The following ERAP1 variants were observed in gnomAD, a reference collection of about 807,000 sequenced individuals.
ERAP1 encodes the protein adipocyte-derived leucine aminopeptidase.
Under a neutral mutation model 103.7 loss-of-function variants are expected in ERAP1, and 86 were observed. The ratio of observed to expected loss-of-function variants is 0.83; its 90% CI spans 0.70 to 0.99. The LOEUF (loss-of-function observed/expected upper bound fraction) is 0.99, where lower values mean the gene tolerates loss of function less well. Ranked by LOEUF, ERAP1 falls within the 50% of genes least tolerant of loss-of-function variation. The pLI is 0.00. For synonymous variants in ERAP1, 398 were observed against 402.4 expected (o/e 0.99, Z 0.13); for missense variants, 1,009 against 1,128.4 (o/e 0.89, Z 1.52).
At chr5:96,877,147 G>C in the ERAP1 span, among the ~76,000 whole-genome samples, 1 of 152,034 alleles carries the variant, frequency 6.6e-6, no homozygotes, top group Admixed American at 6.5e-5. Context: ...GCTAATTTTT[G>C]TATTTTTAGT....
chr5:96,810,199 T>A (rs565669742), upstream of ERAP1, among the ~76,000 whole-genome samples: 12 of 152,340 alleles, frequency 7.9e-5, no homozygotes, highest in African/African-American at 2.9e-4. Context: ...TTTGGCAGCA[T>A]TCACTTCTAG....
chr5:96,907,626 A>T, the ERAP1 span, among the ~76,000 whole-genome samples: 1 of 151,540 alleles, frequency 6.6e-6, no homozygotes, highest in Non-Finnish European at 1.5e-5. Context: ...TCATGCCTGT[A>T]ATCCCAGCAT....
rs1774307641 is a variant in ERAP1, at chr5:96,776,392, A to AT, written c.*3dup. On this transcript the variant is annotated 3_prime_UTR_variant, in exon 19 of 19. Transcript: ENST00000443439. ...ATAACAGGAACCTGGCAAGGGAGGAATTTTTACATACGTTCAAGCTTTTCA... is the reference window on the plus strand; with the variant it reads ...ATAACAGGAACCTGGCAAGGGAGGAATTTTTTACATACGTTCAAGCTTTTCA... 3.7e-6 allele frequency: 6 copies of AT among 1,603,358 alleles called. No individual in the cohort carries two copies. The Middle Eastern group carries it at 8.3e-4, about 222-fold the overall frequency.
chr5:96,903,646 G>GAA, the ERAP1 span: 5 of 1,247,346 alleles, frequency 4.0e-6, no homozygotes, highest in Non-Finnish European at 5.5e-6. Flanking sequence ...GTTCAACATT[G>GAA]GTCATTGATT....
chr5:96,791,858 A>T (rs1776764733), intron 8 of ERAP1, among the ~76,000 whole-genome samples: 1 of 152,228 alleles, frequency 6.6e-6, no homozygotes, highest in Non-Finnish European at 1.5e-5. Context: ...GAAAGAATAT[A>T]TGAAGAATTT....
chr5:96,902,706 G>T, the ERAP1 span: 1 of 178,014 alleles, frequency 5.6e-6, no homozygotes, highest in South Asian at 1.3e-4. Context: ...GATTGCTTCT[G>T]GATTCAAGTC....
At chr5:96,821,282 G>C in the ERAP1 span, among the ~76,000 whole-genome samples, 182 of 152,350 alleles carry the variant, frequency 1.2e-3, 1 homozygote, top group East Asian at 8.7e-3. Context: ...GCAGCATATA[G>C]ACTAACATTT....
At chr5:96,837,715 G>A in the ERAP1 span, among the ~76,000 whole-genome samples, 11 of 152,246 alleles carry the variant, frequency 7.2e-5, no homozygotes, top group Admixed American at 7.2e-4. Context: ...TGGAGGGTCA[G>A]TGTGACAGCC....
upstream of ERAP1, chr5:96,808,118 C>T (rs1278232388): frequency 1.0e-6 from 1 of 982,650 alleles, no homozygotes; most frequent in Non-Finnish European, 1.2e-6. Context: ...CGCTGCACGC[C>T]GGGGAAGCTG....
the ERAP1 span, among the ~76,000 whole-genome samples, chr5:96,897,776 T>G: frequency 9.2e-5 from 14 of 152,334 alleles, no homozygotes; most frequent in East Asian, 2.7e-3. Context: ...CCCAGAGAAC[T>G]CATACCTGTA....
rs1777035026 is a variant in ERAP1 at position 96,794,027 on chromosome 5, G to T, written c.920-70C>A. 2.7e-6 allele frequency: 4 copies of T among 1,501,952 alleles called. No individual in the cohort carries two copies. In the South Asian group the frequency reaches 4.5e-5, roughly 17 times the overall value. 93.0% of individuals were successfully genotyped at this position (1,501,952 alleles called of 1,614,324 possible). Reference sequence around the variant, plus strand: ...ACATTCTCCCAAACACTAATCTTCAGAATGGATAGGTGTTTGAACCAGCTG... The same window carrying T: ...ACATTCTCCCAAACACTAATCTTCATAATGGATAGGTGTTTGAACCAGCTG... On this transcript the variant is annotated intron_variant, in intron 5 of 18. Coordinates refer to ENST00000443439, the MANE Select transcript of ERAP1 (RefSeq NM_001040458.3).
the ERAP1 span, among the ~76,000 whole-genome samples, chr5:96,869,706 A>G: frequency 6.6e-6 from 1 of 152,102 alleles, no homozygotes. Flanking sequence ...TCTAGTGAAA[A>G]CTCCTCAATA....
chr5:96,845,514 T>C, the ERAP1 span, among the ~76,000 whole-genome samples: 1 of 152,096 alleles, frequency 6.6e-6, no homozygotes. Context: ...GAATTATAGG[T>C]GGGGATCCAC....
At chr5:96,780,367 A>C in intron 18 of ERAP1, 56 bp downstream of exon 18, 10 of 1,251,300 alleles carry the variant, frequency 8.0e-6, no homozygotes, top group Non-Finnish European at 9.9e-6. Context: ...ACCCCATATT[A>C]ATTAGCTAAT....
chr5:96,779,711 A>G (rs373387081), intron 18 of ERAP1: 1 of 153,826 alleles, frequency 6.5e-6, no homozygotes, highest in African/African-American at 2.4e-5. Context: ...ACAGAACTCA[A>G]TGGCCCACAC....
chr5:96,800,748 C>T (rs1325562706), intron 3 of ERAP1, 114 bp downstream of exon 3: 5 of 1,108,904 alleles, frequency 4.5e-6, no homozygotes, highest in Non-Finnish European at 6.9e-6. Context: ...TAGTAACGAT[C>T]TGCCAGGCAA....
the ERAP1 span, chr5:96,814,378 T>A: frequency 2.2e-6 from 1 of 455,636 alleles, no homozygotes; most frequent in South Asian, 1.6e-5. Flanking sequence ...CAACTTAGAT[T>A]ACGTCTGCCA....
chr5:96,788,473 A>G (rs1776346242), intron 11 of ERAP1, 58 bp downstream of exon 11: 1 of 1,599,074 alleles, frequency 6.3e-7, no homozygotes, highest in Admixed American at 1.7e-5. Flanking sequence ...GCAAGGTTCC[A>G]TCCTACAAGG....
chr5:96,797,400 A>C, intron 3 of ERAP1, 91 bp from the exon 4 acceptor site: 1 of 1,428,148 alleles, frequency 7.0e-7, no homozygotes, highest in Non-Finnish European at 9.8e-7. Flanking sequence ...ATAATATTAA[A>C]AGTGTATCAA....
Sources: allele counts gnomAD v4.1 joint callset (sites outside exome capture counted in the v4.1 genomes callset), GRCh38; gene constraint gnomAD v4.1.1; transcripts MANE v1.5; gene names NCBI Gene and HGNC (gene_info 2026-07-23, HGNC 2026-07-21).